NEDD9: variants seen among roughly 807,000 people sequenced by gnomAD.
NEDD9 encodes the protein neural precursor cell expressed, developmentally down-regulated 9, also known as enhancer of filamentation 1.
In NEDD9, 26 loss-of-function variants were observed where a neutral mutation model predicts 76.6. The observed-to-expected ratio is 0.34, with a 90% confidence interval of 0.25 to 0.47. The LOEUF (loss-of-function observed/expected upper bound fraction) is 0.47, where lower values mean the gene tolerates loss of function less well. Among genes scored for constraint, NEDD9 ranks in the 20% least tolerant of loss-of-function variants. The pLI is 1.00. For missense variants in NEDD9, 937 were observed against 1,058.5 expected, an observed-to-expected ratio of 0.89 and a Z score of 1.59; for synonymous variants, 392 against 414.2, an observed-to-expected ratio of 0.95 and a Z score of 0.65.
intron 1 of NEDD9, among the ~76,000 whole-genome samples, chr6:11,377,179 G>A (rs1220940504): frequency 6.6e-6 from 1 of 152,232 alleles, no homozygotes; most frequent in Non-Finnish European, 1.5e-5. Context: ...AAAATGCCAG[G>A]GGAAATGTGG....
At chr6:11,366,670 CCAA>C (rs1236812718) in intron 1 of NEDD9, among the ~76,000 whole-genome samples, 1 of 152,158 alleles carries the variant, frequency 6.6e-6, no homozygotes, top group African/African-American at 2.4e-5. Flanking sequence ...CGTCTTCACA[CCAA>C]CAACGTGTGC....
At chr6:11,268,561 C>A (rs1157043420) in intron 3 of NEDD9, among the ~76,000 whole-genome samples, 4 of 152,048 alleles carry the variant, frequency 2.6e-5, no homozygotes, top group Non-Finnish European at 5.9e-5. Context: ...AACCCTGTCT[C>A]TACTAAAAAT....
intron 1 of NEDD9, among the ~76,000 whole-genome samples, chr6:11,374,522 T>C (rs1266980158): frequency 6.6e-6 from 1 of 152,140 alleles, no homozygotes; most frequent in Non-Finnish European, 1.5e-5. Flanking sequence ...AGTGAAGCTG[T>C]GGGTGGGGAA....
Position 11,188,213 on chromosome 6 carries a change from C to T in NEDD9, c.1995+5G>A. 1 of 1,613,480 alleles carries T rather than the reference C, an allele frequency of 6.2e-7. No individual in the cohort carries two copies. Among genetic ancestry groups the T allele is most frequent in the African/African-American group, 1.3e-5 (1 of 75,042 alleles). ...CCAAGCAGTTTTTGCTCTGATTGAA[C>T]TTACCTGATGATGTTCCAGCTGCAT... On this transcript the variant is annotated splice_donor_5th_base_variant and intron_variant, in intron 6 of 6. Coordinates refer to ENST00000379446, the MANE Select transcript of NEDD9 (RefSeq NM_006403.4).
chr6:11,252,770 G>C lies in NEDD9; in HGVS notation c.13-39043C>G, dbSNP rs1428197838. On this transcript the variant is annotated intron_variant, in intron 3 of 3. Coordinates refer to the NEDD9 transcript ENST00000397378. The surrounding 1 kb of genome is among the most constrained non-coding windows in gnomAD (Gnocchi z 4.3). Reference sequence around the variant, plus strand: ...ACTCTGTCTCTTAAATATAGGGTTTGTTTGTGAGTAAATTGGTTGTATGCC... The same window carrying C: ...ACTCTGTCTCTTAAATATAGGGTTTCTTTGTGAGTAAATTGGTTGTATGCC... Among the ~76,000 whole-genome samples, 1 of 152,244 alleles carries C rather than the reference G, an allele frequency of 6.6e-6. No individual in the cohort carries two copies. Among genetic ancestry groups the C allele is most frequent in the East Asian group, 1.9e-4 (1 of 5,192 alleles).
chr6:11,338,513 A>C (rs6942267), intron 1 of NEDD9, among the ~76,000 whole-genome samples: 2,815 of 152,324 alleles, frequency 0.018, 92 homozygotes, highest in African/African-American at 0.064. Flanking sequence ...AAGCATCAGA[A>C]AGAAGCACTT....
chr6:11,380,200 C>T (rs1043622722), intron 1 of NEDD9, among the ~76,000 whole-genome samples: 1 of 152,230 alleles, frequency 6.6e-6, no homozygotes, highest in African/African-American at 2.4e-5. Context: ...AAACAGACGA[C>T]TAAACTCTTT....
intron 3 of NEDD9, among the ~76,000 whole-genome samples, chr6:11,259,935 A>ACAC (rs139640152): frequency 3.5e-5 from 5 of 142,508 alleles, no homozygotes; most frequent in Non-Finnish European, 6.1e-5. Flanking sequence ...CTGCGCCCTT[A>ACAC]ACACACACAC....
intron 1 of NEDD9, among the ~76,000 whole-genome samples, chr6:11,221,275 C>T (rs1471919532): frequency 4.0e-5 from 6 of 151,456 alleles, no homozygotes; most frequent in South Asian, 2.1e-4. Context: ...TTCAGTTACT[C>T]GGGAGGCTGA....
At chr6:11,368,577 AG>A (rs1490884750) in intron 1 of NEDD9, among the ~76,000 whole-genome samples, 1 of 152,254 alleles carries the variant, frequency 6.6e-6, no homozygotes, top group African/African-American at 2.4e-5. Context: ...GACACACAGA[AG>A]GGTCTACAGA....
intron 2 of NEDD9, among the ~76,000 whole-genome samples, chr6:11,194,026 A>AT: frequency 6.6e-6 from 1 of 152,006 alleles, no homozygotes; most frequent in Admixed American, 6.6e-5. Context: ...TGCCCAGCTA[A>AT]TTTTTTGTAT....
intron 3 of NEDD9, among the ~76,000 whole-genome samples, chr6:11,282,844 G>C (rs150451683): frequency 6.6e-6 from 1 of 152,294 alleles, no homozygotes; most frequent in East Asian, 1.9e-4. Flanking sequence ...ATCGGCCCAA[G>C]TGATTTTTCT....
chr6:11,353,848 A>G (rs1384636733), intron 1 of NEDD9, among the ~76,000 whole-genome samples: 1 of 152,272 alleles, frequency 6.6e-6, no homozygotes, highest in Admixed American at 6.5e-5. Context: ...AAAAAGGCCC[A>G]AGCCACCACC....
chr6:11,232,112 T>C (rs1365995679), intron 1 of NEDD9, among the ~76,000 whole-genome samples: 2 of 152,116 alleles, frequency 1.3e-5, no homozygotes, highest in East Asian at 3.9e-4. Context: ...GCAGTCCTCA[T>C]TCCTCTCATT....
At chr6:11,275,565 C>CACACACACACACATATATATATATATAT in intron 3 of NEDD9, among the ~76,000 whole-genome samples, 1 of 150,288 alleles carries the variant, frequency 6.7e-6, no homozygotes, top group African/African-American at 2.4e-5. Context: ...CACACACACA[C>CACACACACACACATATATATATATATAT]ATATATATAT....
intron 1 of NEDD9, among the ~76,000 whole-genome samples, chr6:11,378,097 G>T (rs983303670): frequency 1.3e-4 from 20 of 152,242 alleles, no homozygotes; most frequent in African/African-American, 4.8e-4. Context: ...ACAAAATTTT[G>T]CTGGGTGTGG....
chr6:11,205,638 T>C (rs1402913434), intron 2 of NEDD9, among the ~76,000 whole-genome samples: 3 of 152,220 alleles, frequency 2.0e-5, no homozygotes, highest in African/African-American at 7.2e-5. Flanking sequence ...ACTTTTTTTT[T>C]TTTTTGAGAC....
chr6:11,295,236 C>G (rs1760863602), intron 3 of NEDD9, among the ~76,000 whole-genome samples: 1 of 152,152 alleles, frequency 6.6e-6, no homozygotes, highest in Admixed American at 6.5e-5. Flanking sequence ...TGACAAATGT[C>G]TTTTCAGGTT....
chr6:11,349,368 T>C (rs548492338), intron 1 of NEDD9, among the ~76,000 whole-genome samples: 315 of 152,350 alleles, frequency 2.1e-3, no homozygotes, highest in Non-Finnish European at 3.2e-3. Flanking sequence ...TGGTGATTTC[T>C]CAAAGGCCTA....
Sources: gnomAD v4.1 joint callset for allele counts (sites outside exome capture counted in the v4.1 genomes callset) on GRCh38, gnomAD v4.1.1 for gene constraint, Gnocchi (gnomAD v3.1) non-coding constraint, MANE v1.5 for transcripts, NCBI Gene and HGNC (gene_info 2026-07-23, HGNC 2026-07-21) for gene names.